DCC: variants seen among roughly 807,000 people sequenced by gnomAD.
DCC encodes DCC netrin 1 receptor, also known as netrin receptor DCC.
DCC carries 58 observed loss-of-function variants against 172.5 expected under a neutral mutation model. The ratio of observed to expected loss-of-function variants is 0.34; its 90% CI spans 0.27 to 0.42. The LOEUF is 0.42. DCC is among the 10% of genes least tolerant of loss of function. The pLI is 1.00. For missense variants in DCC, 1,740 were observed against 1,791.0 expected (o/e 0.97, Z 0.51); for synonymous variants, 709 against 644.5 (o/e 1.10, Z -1.52).
At chr18:53,338,868 C>T (rs1387334634) in intron 14 of DCC, among the ~76,000 whole-genome samples, 1 of 152,190 alleles carries the variant, frequency 6.6e-6, no homozygotes, top group Non-Finnish European at 1.5e-5. Flanking sequence ...ATCTTTTCAA[C>T]ACCATACCTT....
chr18:52,511,462 G>T (rs759632963), intron 1 of DCC, among the ~76,000 whole-genome samples: 129 of 152,272 alleles, frequency 8.5e-4, no homozygotes, highest in Admixed American at 3.3e-3. Flanking sequence ...TACCAAAAGT[G>T]TGCAGCAATG....
intron 7 of DCC, among the ~76,000 whole-genome samples, chr18:53,120,957 G>C (rs985688037): frequency 9.2e-5 from 14 of 151,804 alleles, no homozygotes; most frequent in African/African-American, 3.1e-4. Flanking sequence ...GATGATTAAT[G>C]GAATTATTAC....
chr18:52,402,584 T>C (rs1053909740), intron 1 of DCC, among the ~76,000 whole-genome samples: 2 of 152,068 alleles, frequency 1.3e-5, no homozygotes, highest in African/African-American at 4.8e-5. Context: ...AAGTTTTCTT[T>C]TTTCTTCTTT....
intron 27 of DCC, among the ~76,000 whole-genome samples, chr18:53,500,074 T>A (rs2046077770): frequency 6.6e-6 from 1 of 152,180 alleles, no homozygotes; most frequent in Non-Finnish European, 1.5e-5. Context: ...TGATAGAAAG[T>A]AAAATATCTA....
intron 25 of DCC, among the ~76,000 whole-genome samples, chr18:53,470,016 A>G (rs1326049697): frequency 6.6e-6 from 1 of 151,804 alleles, no homozygotes. Flanking sequence ...TTTTCTTCCT[A>G]CCCTTCTGGC....
intron 1 of DCC, among the ~76,000 whole-genome samples, chr18:52,561,879 A>C (rs2033047394): frequency 6.6e-6 from 1 of 152,170 alleles, no homozygotes; most frequent in Non-Finnish European, 1.5e-5. Flanking sequence ...TTCAGAAGCT[A>C]TTTCTAAATC....
intron 2 of DCC, among the ~76,000 whole-genome samples, chr18:52,880,459 T>A (rs923368809): frequency 1.3e-5 from 2 of 152,176 alleles, no homozygotes; most frequent in African/African-American, 4.8e-5. Flanking sequence ...TTATTCATTC[T>A]TTCTAATTAT....
At chr18:52,639,790 G>A (rs939212100) in intron 1 of DCC, among the ~76,000 whole-genome samples, 68 of 152,006 alleles carry the variant, frequency 4.5e-4, no homozygotes, top group African/African-American at 1.5e-3. Flanking sequence ...GACGTTCAAA[G>A]AAGAATTGGT....
intron 8 of DCC, among the ~76,000 whole-genome samples, chr18:53,160,057 G>T (rs148510451): frequency 6.6e-6 from 1 of 152,070 alleles, no homozygotes; most frequent in Non-Finnish European, 1.5e-5. Flanking sequence ...AGGAGAAATT[G>T]TTGAAATTGC....
At chr18:52,827,874 GGT>G (rs1157252652) in intron 2 of DCC, among the ~76,000 whole-genome samples, 1 of 152,186 alleles carries the variant, frequency 6.6e-6, no homozygotes, top group African/African-American at 2.4e-5. Context: ...TGGGTTCGTA[GGT>G]GTGTGAGCTG....
chr18:52,688,030 T>C (rs1479878196), intron 1 of DCC, among the ~76,000 whole-genome samples: 1 of 152,070 alleles, frequency 6.6e-6, no homozygotes, highest in East Asian at 1.9e-4. Context: ...AAACCATGGG[T>C]CTAAATTGCC....
Position 52,827,871 on chromosome 18 carries a change from G to A in DCC, c.412+75497G>A, listed in dbSNP as rs931201216. ...CACAAGTCCCAGTGGGGCTGGGTTC[G>A]TAGGTGTGTGAGCTGCATTATCTCA... On this transcript the variant is annotated intron_variant, in intron 2 of 28. Transcript: ENST00000442544. Among the ~76,000 whole-genome samples the A allele has an allele frequency of 1.2e-4, 19 of 152,308 alleles. 1 individual carries two copies. Among genetic ancestry groups the A allele is most frequent in the Admixed American group, 3.3e-4 (5 of 15,294 alleles).
At chr18:53,039,326 G>T (rs925612945) in intron 5 of DCC, among the ~76,000 whole-genome samples, 5 of 151,984 alleles carry the variant, frequency 3.3e-5, no homozygotes, top group African/African-American at 1.2e-4. Flanking sequence ...CCATGCAAAT[G>T]AAAACATTTA....
chr18:52,924,174 A>G (rs2040165666), intron 4 of DCC, among the ~76,000 whole-genome samples: 2 of 152,192 alleles, frequency 1.3e-5, no homozygotes, highest in Middle Eastern at 6.8e-3. Flanking sequence ...AGAAAGTGGT[A>G]TATAGAGAGG....
chr18:53,216,023 C>A (rs1319636034), intron 12 of DCC, among the ~76,000 whole-genome samples: 3 of 152,192 alleles, frequency 2.0e-5, no homozygotes, highest in Non-Finnish European at 4.4e-5. Context: ...CGTCATCATC[C>A]CCATTCTTCC....
chr18:52,983,039 G>T (rs1030611656), intron 5 of DCC, among the ~76,000 whole-genome samples: 1 of 152,118 alleles, frequency 6.6e-6, no homozygotes, highest in Non-Finnish European at 1.5e-5. Flanking sequence ...TATCTTGTTA[G>T]TAACTCCTTT....
Position 53,498,459 on chromosome 18 carries a change from G to C in DCC, c.3899-839G>C, listed in dbSNP as rs558063579. Among the ~76,000 whole-genome samples, 100 of 149,970 alleles carry C rather than the reference G, an allele frequency of 6.7e-4. 3 individuals are homozygous for C. The South Asian group carries it at 0.02, about 30-fold the overall frequency. On this transcript the variant is annotated intron_variant, in intron 26 of 28. Transcript: ENST00000442544. Reference sequence around the variant, plus strand: ...TTTGCTTGCAGTTTAACCTGGACCTGTTAACTTTGAATATGAATGAATAGT... The same window carrying C: ...TTTGCTTGCAGTTTAACCTGGACCTCTTAACTTTGAATATGAATGAATAGT...
chr18:53,307,843 T>A (rs145913724), intron 13 of DCC, among the ~76,000 whole-genome samples: 2,939 of 142,524 alleles, frequency 0.021, 50 homozygotes, highest in Middle Eastern at 0.048. Flanking sequence ...TCTCATATAC[T>A]GCTTGTGGGA....
At chr18:53,359,576 ATTAG>A (rs1203540443) in intron 15 of DCC, among the ~76,000 whole-genome samples, 2 of 152,176 alleles carry the variant, frequency 1.3e-5, no homozygotes, top group East Asian at 3.9e-4. Context: ...AATAGGAGAT[ATTAG>A]TTACTCATTA....
Sources: allele counts gnomAD v4.1 joint callset (sites outside exome capture counted in the v4.1 genomes callset), GRCh38; gene constraint gnomAD v4.1.1; transcripts MANE v1.5; gene names NCBI Gene and HGNC (gene_info 2026-07-23, HGNC 2026-07-21).